Variants in PRSS33 observed in about 807,000 individuals in gnomAD.
PRSS33 encodes serine protease 33, also known as protease, serine 33.
A neutral mutation model predicts 26.7 loss-of-function variants in PRSS33; 32 were observed. That is an observed-to-expected ratio of 1.20 (90% CI 0.90 to 1.61). The LOEUF (loss-of-function observed/expected upper bound fraction) is 1.61. Among genes scored for constraint, PRSS33 ranks in the 40% most tolerant of loss-of-function variants. The pLI is 0.00. For synonymous variants in PRSS33, 192 were observed against 177.6 expected, an observed-to-expected ratio of 1.08 and a Z score of -0.64; for missense variants, 450 against 396.3, an observed-to-expected ratio of 1.14 and a Z score of -1.15.
Position 2,786,087 on chromosome 16 carries a change from A to C in PRSS33, c.79+2T>G. Reference sequence around the variant, plus strand: ...CTCGGGTGGACTCCGAGGCTTCCTCACCTGCAGACTTCCTTCCCTGAGTCC... The same window carrying C: ...CTCGGGTGGACTCCGAGGCTTCCTCCCCTGCAGACTTCCTTCCCTGAGTCC... On this transcript the variant is annotated splice_donor_variant, in intron 3 of 6. Transcript: ENST00000682474. LOFTEE classifies it high-confidence loss of function. The C allele has an allele frequency of 6.2e-7, 1 of 1,613,452 alleles. No homozygotes were observed. Among genetic ancestry groups the C allele is most frequent in the Non-Finnish European group, 8.5e-7 (1 of 1,179,744 alleles).
intron 2 of PRSS33, 101 bp from the exon 3 acceptor site, chr16:2,786,222 G>C: frequency 9.0e-7 from 1 of 1,109,148 alleles, no homozygotes; most frequent in Non-Finnish European, 1.4e-6. Flanking sequence ...AAACAATGTT[G>C]CCCTGACATT....
At chr16:2,787,286 A>C (rs1047753266) in intron 1 of PRSS33, among the ~76,000 whole-genome samples, 1 of 3,040 alleles carries the variant, frequency 3.3e-4, no homozygotes, top group Non-Finnish European at 9.4e-4. Context: ...CTCATCCTTC[A>C]CCCCCTCCCT....
chr16:2,786,565 G>A lies in PRSS33; in HGVS notation c.-18C>T, dbSNP rs750813043. ...CCTCTCATTCTGTCTTCAAGGCTGG[G>A]CTGGGTAAGGGTGGCACTGCCTAGG... On this transcript the variant is annotated 5_prime_UTR_variant, in exon 2 of 7. Coordinates refer to ENST00000682474, the MANE Select transcript of PRSS33 (RefSeq NM_152891.3). 6.0e-5 allele frequency: 96 copies of A among 1,612,882 alleles called. No individual in the cohort carries two copies. The highest frequency in any genetic ancestry group is 7.7e-5 in the Non-Finnish European group (91 of 1,179,602).
In PRSS33 at chr16:2,785,843, G is replaced by GC. The variant is rs1486754657; in HGVS notation, c.197_198insG (p.Ile67HisfsTer21). On this transcript the variant is annotated frameshift_variant, in exon 4 of 7. Transcript: ENST00000682474. LOFTEE classifies it high-confidence loss of function. ...CTGTCAGCACCCACTGGGGGGCGAT[G>GC]AGCGACCCCCCGCACACGTGTGCCC... 1 of 1,607,010 alleles carries GC rather than the reference G, an allele frequency of 6.2e-7. No individual in the cohort carries two copies. The highest frequency in any genetic ancestry group is 8.5e-7 in the Non-Finnish European group (1 of 1,178,590).
chr16:2,785,478 G>C lies in PRSS33; in HGVS notation c.411C>G (p.Pro137=). The part of the protein sequence containing the change: ...LALLQLRRPV[P]LSARVQPVCL... ...AGACGGGTTGGACGCGAGCGCTCAGGGGCACCGGGCGACGCAGCTGCAGCA... is the reference window on the plus strand; with the variant it reads ...AGACGGGTTGGACGCGAGCGCTCAGCGGCACCGGGCGACGCAGCTGCAGCA... The change falls in exon 5 of 7, where the codon CCC becomes CCG. Residue 137 remains proline, a synonymous_variant. Transcript: ENST00000682474. 3 of 1,517,192 alleles carry C rather than the reference G, an allele frequency of 2.0e-6. No individual in the cohort carries two copies. The highest frequency in any genetic ancestry group is 2.6e-6 in the Non-Finnish European group (3 of 1,140,938). The allele number at this position is 1,517,192 out of a possible 1,614,324, so 94.0% of individuals were successfully genotyped here. A position where few individuals can be genotyped will look rare whatever the true frequency, so the allele number is the denominator to read the frequency against.
chr16:2,784,961 C>T, intron 6 of PRSS33, 41 bp downstream of exon 6: 1 of 1,584,918 alleles, frequency 6.3e-7, no homozygotes, highest in African/African-American at 1.3e-5. Flanking sequence ...GTGCTGGGCA[C>T]AGGGAGGGGA....
Position 2,784,300 on chromosome 16 carries a change from A to C in PRSS33, c.*344T>G. The C allele has an allele frequency of 1.1e-5, 2 of 178,802 alleles. No individual in the cohort carries two copies. The highest frequency in any genetic ancestry group is 1.2e-5 in the Non-Finnish European group (1 of 85,232). The allele number at this position is 178,802 out of a possible 1,614,324, so 11.1% of individuals were successfully genotyped here. A position where few individuals can be genotyped will look rare whatever the true frequency, so the allele number is the denominator to read the frequency against. On this transcript the variant is annotated 3_prime_UTR_variant, in exon 7 of 7. Coordinates refer to ENST00000682474, the MANE Select transcript of PRSS33 (RefSeq NM_152891.3). ...TGACTTTCTCCAGAAAAAGATGGGC[A>C]CACAGGCCAGATGGGCAGCAATTGG...
rs975964319 is a variant in PRSS33 at position 2,784,206 on chromosome 16, G to A, written c.*438C>T. On this transcript the variant is annotated 3_prime_UTR_variant, in exon 7 of 7. Coordinates refer to ENST00000682474, the MANE Select transcript of PRSS33 (RefSeq NM_152891.3). ...GCTCTTAGAGGCCGCTCATGGCTGT[G>A]GTCCCCGTGTCCTCAAAGCCAGCTA... 2 of 153,280 alleles carry A rather than the reference G, an allele frequency of 1.3e-5. No homozygotes were observed. Among genetic ancestry groups the A allele is most frequent in the Admixed American group, 1.3e-4 (2 of 15,376 alleles). The allele number at this position is 153,280 out of a possible 1,614,324, so 9.5% of individuals were successfully genotyped here.
rs2150789292 is a variant in PRSS33, at chr16:2,785,263, T to C, written c.515-92A>G. On this transcript the variant is annotated intron_variant, in intron 5 of 6. Coordinates refer to ENST00000682474, the MANE Select transcript of PRSS33 (RefSeq NM_152891.3). ...CTGAGTGAGAGGAGGTTTTGTTCCC[T>C]AGAAGCCGCGCTGGGTCCTGGATTG... 6 of 1,446,066 alleles carry C rather than the reference T, an allele frequency of 4.1e-6. No homozygotes were observed. In the South Asian group the frequency reaches 5.5e-5, roughly 13 times the overall value. 89.6% of individuals were successfully genotyped at this position (1,446,066 alleles called of 1,614,324 possible).
rs1294183779 is a variant in PRSS33, at chr16:2,785,608, GC to G, written c.280del (p.Ala94ArgfsTer45). 9.3e-6 allele frequency: 14 copies of G among 1,508,056 alleles called. No individual in the cohort carries two copies. Among genetic ancestry groups the G allele is most frequent in the Admixed American group, 2.2e-5 (1 of 46,100 alleles). 93.4% of individuals were successfully genotyped at this position (1,508,056 alleles called of 1,614,324 possible). On this transcript the variant is annotated frameshift_variant, in exon 5 of 7. Coordinates refer to ENST00000682474, the MANE Select transcript of PRSS33 (RefSeq NM_152891.3). LOFTEE classifies it high-confidence loss of function. ...GGGCGAGGTGGAGCCCAGACGCAGCGCCCCCAGGCGCACGCGGTACTCAGCT... is the reference window on the plus strand; with the variant it reads ...GGGCGAGGTGGAGCCCAGACGCAGCGCCCCAGGCGCACGCGGTACTCAGCT... ...LPAEYRVRLG[A>X]LRLGSTSPRT...
At position 2,784,768 on chromosome 16, in the gene PRSS33, G is replaced by C; in HGVS notation, c.719C>G (p.Ser240Cys). Residue 240 changes from serine (S) to cysteine (C), a missense_variant, in exon 7 of 7, where the codon TCT becomes TGT. Ser to Cys is a moderately radical substitution (Grantham distance 112). Transcript: ENST00000682474. The part of the protein sequence containing the change: ...DSGGPLTCLQ[S>C]GSWVLVGVVS... ...CACGCCCACCAGGACCCAGCTCCCA[G>C]ACTGCAGGCAGGTCAGAGGTCCCCC... is the stretch of plus-strand genomic sequence containing the variant. 1 of 1,609,470 alleles carries C rather than the reference G, an allele frequency of 6.2e-7. No individual in the cohort carries two copies. The highest frequency in any genetic ancestry group is 8.5e-7 in the Non-Finnish European group (1 of 1,178,172).
chr16:2,786,141 A>C lies in PRSS33; in HGVS notation c.47-20T>G, dbSNP rs562360922. On this transcript the variant is annotated intron_variant, in intron 2 of 6. Transcript: ENST00000682474. ...CAGCTCCTGGAGGAGGAAGCAGGGA[A>C]GGGACCAGATTATAGATTTGGTGTC... 8 of 1,608,910 alleles carry C rather than the reference A, an allele frequency of 5.0e-6. No individual in the cohort carries two copies. The African/African-American group carries it at 1.1e-4, about 21-fold the overall frequency.
Position 2,784,722 on chromosome 16 carries a change from A to C in PRSS33, c.765T>G (p.Cys255Trp). 6.2e-7 allele frequency: 1 copy of C among 1,607,194 alleles called. No individual in the cohort carries two copies. The highest frequency in any genetic ancestry group is 8.5e-7 in the Non-Finnish European group (1 of 1,177,066). The change falls in exon 7 of 7, where the codon TGT becomes TGG. Residue 255 changes from cysteine to tryptophan, a missense_variant. Physicochemically the swap from Cys to Trp is radical, Grantham distance 215. Transcript: ENST00000682474. The stretch of plus-strand genomic sequence containing the variant: ...AGACCCCTGGACGGTTGGGCAGGGC[A>C]CAACCCTTGCCCCAGCTCACCACGC... Reference protein sequence around the residue: ...LVGVVSWGKGCALPNRPGVYT... With the variant: ...LVGVVSWGKGWALPNRPGVYT...
intron 5 of PRSS33, 78 bp downstream of exon 5, chr16:2,785,297 A>G: frequency 6.9e-7 from 1 of 1,447,938 alleles, no homozygotes; most frequent in Non-Finnish European, 9.1e-7. Context: ...TGGGGCAGTG[A>G]GGGGCTGGGA....
chr16:2,786,053 A>G, intron 3 of PRSS33, 36 bp downstream of exon 3: 1 of 1,612,658 alleles, frequency 6.2e-7, no homozygotes, highest in Non-Finnish European at 8.5e-7. Flanking sequence ...GAGGTCCAGG[A>G]GGGGCTGACT....
chr16:2,786,843 T>A (rs1391577060), intron 1 of PRSS33: 1 of 213,778 alleles, frequency 4.7e-6, no homozygotes, highest in Admixed American at 7.2e-5. Context: ...CTAACCCCCC[T>A]CGGTCATCCT....
At position 2,784,434 on chromosome 16, in the gene PRSS33, T is replaced by A; in HGVS notation, c.*210A>T. ...TGACTCCCTGGGACTCATGGCAGAT[T>A]CCTGGATGAGGGTTGGTGGAGTCAG... On this transcript the variant is annotated 3_prime_UTR_variant, in exon 7 of 7. Coordinates refer to ENST00000682474, the MANE Select transcript of PRSS33 (RefSeq NM_152891.3). 1 of 491,542 alleles carries A rather than the reference T, an allele frequency of 2.0e-6. No homozygotes were observed. The highest frequency in any genetic ancestry group is 2.7e-5 in the South Asian group (1 of 36,986). 30.4% of individuals were successfully genotyped at this position (491,542 alleles called of 1,614,324 possible).
upstream of PRSS33, among the ~76,000 whole-genome samples, chr16:2,787,649 G>A (rs1453570349): frequency 6.6e-6 from 1 of 151,386 alleles, no homozygotes; most frequent in African/African-American, 2.4e-5. Flanking sequence ...GCGGGGCTGT[G>A]GCTTTACCGG....
chr16:2,785,695 C>G, intron 4 of PRSS33, 49 bp from the exon 5 acceptor site: 1 of 1,467,508 alleles, frequency 6.8e-7, no homozygotes, highest in Non-Finnish European at 9.0e-7. Context: ...TCCTCGACCC[C>G]CTCCAGCCCG....
Sources: allele counts gnomAD v4.1 joint callset (sites outside exome capture counted in the v4.1 genomes callset), GRCh38; gene constraint gnomAD v4.1.1; transcripts MANE v1.5; gene names NCBI Gene and HGNC (gene_info 2026-07-23, HGNC 2026-07-21).